SPIRE2: variants seen among roughly 807,000 people sequenced by gnomAD.
SPIRE2 encodes protein spire homolog 2.
A neutral mutation model predicts 80.7 loss-of-function variants in SPIRE2; 76 were observed. That is an observed-to-expected ratio of 0.94 (90% confidence interval 0.78 to 1.14). The LOEUF (loss-of-function observed/expected upper bound fraction) is 1.14, where lower values mean the gene tolerates loss of function less well. Among genes scored for constraint, SPIRE2 ranks in the 50% most tolerant of loss-of-function variants. The pLI is 0.00. For missense variants in SPIRE2, 1,196 were observed against 1,015.3 expected, an observed-to-expected ratio of 1.18 and a Z score of -2.42; for synonymous variants, 535 against 432.6, an observed-to-expected ratio of 1.24 and a Z score of -2.94.
intron 13 of SPIRE2, among the ~76,000 whole-genome samples, chr16:89,868,476 C>G (rs1351344171): frequency 6.6e-6 from 1 of 152,192 alleles, no homozygotes. Flanking sequence ...TTCTTACATT[C>G]TATAACTTTT....
intron 12 of SPIRE2, among the ~76,000 whole-genome samples, chr16:89,867,109 G>A (rs941016604): frequency 7.2e-5 from 11 of 151,762 alleles, no homozygotes; most frequent in Admixed American, 1.3e-4. Context: ...AAGACAGTGT[G>A]CAAGTTTTTT....
intron 1 of SPIRE2, among the ~76,000 whole-genome samples, chr16:89,841,775 G>T (rs1001089150): frequency 6.6e-6 from 1 of 151,630 alleles, no homozygotes; most frequent in African/African-American, 2.4e-5. Context: ...TCGGCTCACC[G>T]CAACCTCCAC....
rs1037914205 is a variant in SPIRE2 at position 89,859,312 on chromosome 16, G to A, written c.1420G>A (p.Ala474Thr). ...PGGTEPPRPR[A>T]GSAHVWRPGS... Reference sequence around the variant, plus strand: ...AGGGACGGAGCCACCACGGCCCCGAGCTGGCAGTGCGCATGTGTGGAGGCC... The same window carrying A: ...AGGGACGGAGCCACCACGGCCCCGAACTGGCAGTGCGCATGTGTGGAGGCC... The change falls in exon 9 of 15, where the codon GCT becomes ACT. Residue 474 changes from alanine (A) to threonine (T), a missense_variant. Physicochemically the swap from Ala to Thr is moderately conservative, Grantham distance 58 (BLOSUM62 0). Transcript: ENST00000378247. 13 of 1,595,224 alleles carry A rather than the reference G, an allele frequency of 8.1e-6. No homozygotes were observed. Among genetic ancestry groups the A allele is most frequent in the Non-Finnish European group, 1.1e-5 (13 of 1,176,634 alleles).
rs1567670833 is a variant in SPIRE2 at position 89,841,678 on chromosome 16, G to A, written c.245-3644G>A. Among the ~76,000 whole-genome samples the A allele has an allele frequency of 2.6e-5, 4 of 152,094 alleles. No homozygotes were observed. The South Asian group carries it at 6.2e-4, about 24-fold the overall frequency. ...GCACCAACCTTTATGGGATGGCTGC[G>A]CAGATAGAGGCCACGGTAAATAATT... On this transcript the variant is annotated intron_variant, in intron 1 of 14. Transcript: ENST00000378247.
rs2041348256 is a variant in SPIRE2, at chr16:89,828,591, C to G, written c.41C>G (p.Ala14Gly). The G allele has an allele frequency of 9.2e-6, 11 of 1,199,206 alleles. No individual in the cohort carries two copies. Among genetic ancestry groups the G allele is most frequent in the Non-Finnish European group, 9.3e-6 (9 of 966,052 alleles). The allele number at this position is 1,199,206 out of a possible 1,614,324, so 74.3% of individuals were successfully genotyped here. The change falls in exon 1 of 15, where the codon GCA (alanine) becomes GGA (glycine). Residue 14 changes from alanine to glycine, a missense_variant. Coordinates refer to ENST00000378247, the MANE Select transcript of SPIRE2 (RefSeq NM_032451.2). This position sits in a 1 kb window ranked among gnomAD's most constrained non-coding sequence, Gnocchi z 5.9. ...AGCTGCGGCGGCGCCGCGGCGGGCG[C>G]AGGGCGGCCGGAGCCCTGGGAGCTG... ...AGSCGGAAAGAGRPEPWELSL... is the reference protein window; with the variant it reads ...AGSCGGAAAGGGRPEPWELSL...
chr16:89,851,884 T>C (rs2041631387), intron 3 of SPIRE2, among the ~76,000 whole-genome samples: 1 of 152,028 alleles, frequency 6.6e-6, no homozygotes, highest in South Asian at 2.1e-4. Context: ...TCTCCTGTCC[T>C]CTAACCGAGG....
At chr16:89,855,002 G>A (rs911564785) in intron 5 of SPIRE2, among the ~76,000 whole-genome samples, 7 of 152,090 alleles carry the variant, frequency 4.6e-5, no homozygotes, top group Admixed American at 3.3e-4. Flanking sequence ...GCAATGGTGC[G>A]ACCTTGGCTC....
intron 2 of SPIRE2, 34 bp from the exon 3 acceptor site, chr16:89,850,270 A>G: frequency 1.9e-6 from 3 of 1,578,606 alleles, no homozygotes; most frequent in Non-Finnish European, 2.6e-6. Flanking sequence ...ACCCCCCTGC[A>G]GTACCGCCCA....
chr16:89,829,032 A>AC (rs1278020692), intron 1 of SPIRE2, among the ~76,000 whole-genome samples: 2 of 148,198 alleles, frequency 1.3e-5, no homozygotes, highest in Non-Finnish European at 1.5e-5. Flanking sequence ...CCCCTCCCGG[A>AC]CCCCCCCACC....
intron 4 of SPIRE2, 29 bp downstream of exon 4, chr16:89,854,395 A>G (rs757331256): frequency 1.9e-6 from 3 of 1,610,990 alleles, no homozygotes; most frequent in East Asian, 2.2e-5. Flanking sequence ...TGACCGGGCC[A>G]CTGACGCGGC....
chr16:89,867,479 T>G (rs1339682330), intron 12 of SPIRE2, among the ~76,000 whole-genome samples: 1 of 152,028 alleles, frequency 6.6e-6, no homozygotes, highest in Non-Finnish European at 1.5e-5. Flanking sequence ...TGTAGGTTTT[T>G]GTTTTTAAAC....
chr16:89,841,837 A>G (rs2041508770), intron 1 of SPIRE2, among the ~76,000 whole-genome samples: 1 of 151,876 alleles, frequency 6.6e-6, no homozygotes, highest in South Asian at 2.1e-4. Flanking sequence ...AGCTGGGATT[A>G]CAGGCGTGTT....
rs561732102 is a variant in SPIRE2 at position 89,863,321 on chromosome 16, GGATGGCTGATGGACAA to G, written c.1576-139_1576-124del. 4.1e-3 allele frequency: 3,266 copies of G among 795,352 alleles called. 12 individuals are homozygous for G. The highest frequency in any genetic ancestry group is 5.3e-3 in the Admixed American group (191 of 35,738). The allele number at this position is 795,352 out of a possible 1,614,324, so 49.3% of individuals were successfully genotyped here. ...CAGGGCCCATCAAAGACATGGGGATGGATGGCTGATGGACAAGATGGCTGATGGACAGCGTTTTAGA... is the reference window on the plus strand; with the variant it reads ...CAGGGCCCATCAAAGACATGGGGATGGATGGCTGATGGACAGCGTTTTAGA... On this transcript the variant is annotated intron_variant, in intron 10 of 14. Coordinates refer to ENST00000378247, the MANE Select transcript of SPIRE2 (RefSeq NM_032451.2). The surrounding 1 kb of genome is among the most constrained non-coding windows in gnomAD (Gnocchi z 4.3).
chr16:89,843,260 T>A (rs551508928), intron 1 of SPIRE2, among the ~76,000 whole-genome samples: 1 of 152,252 alleles, frequency 6.6e-6, no homozygotes, highest in African/African-American at 2.4e-5. Context: ...AGCAAACAGA[T>A]TCATCCTCCG....
chr16:89,865,074 T>C (rs1382843501), intron 12 of SPIRE2, among the ~76,000 whole-genome samples: 2 of 151,094 alleles, frequency 1.3e-5, no homozygotes, highest in South Asian at 2.1e-4. Context: ...TGGCACGATC[T>C]TGGCTCACTG....
At chr16:89,860,930 G>GGC (rs753916357) in intron 10 of SPIRE2, 135 bp downstream of exon 10, 202 of 568,766 alleles carry the variant, frequency 3.6e-4, no homozygotes, top group Non-Finnish European at 2.9e-4. Context: ...CGTCTGGGGG[G>GGC]GCGCGGTCTG....
intron 13 of SPIRE2, among the ~76,000 whole-genome samples, chr16:89,869,243 A>C (rs984652401): frequency 2.7e-5 from 4 of 150,910 alleles, no homozygotes; most frequent in African/African-American, 9.7e-5. Context: ...GGTCCCGTAT[A>C]GTATAAAAAG....
At chr16:89,830,908 C>CTTTTT (rs146029809) in intron 1 of SPIRE2, among the ~76,000 whole-genome samples, 1 of 117,316 alleles carries the variant, frequency 8.5e-6, no homozygotes, top group African/African-American at 3.3e-5. Flanking sequence ...TGCTTAGAAT[C>CTTTTT]TTTTTTTTTT....
chr16:89,868,504 G>A (rs1431015797), intron 13 of SPIRE2, among the ~76,000 whole-genome samples: 1 of 152,160 alleles, frequency 6.6e-6, no homozygotes, highest in Non-Finnish European at 1.5e-5. Flanking sequence ...TTTAGGAGGG[G>A]CTTCTTATTG....
Sources: gnomAD v4.1 joint callset for allele counts (sites outside exome capture counted in the v4.1 genomes callset) on GRCh38, gnomAD v4.1.1 for gene constraint, Gnocchi (gnomAD v3.1) non-coding constraint, MANE v1.5 for transcripts, NCBI Gene and HGNC (gene_info 2026-07-23, HGNC 2026-07-21) for gene names.